AGBL4: variants seen among roughly 807,000 people sequenced by gnomAD.
AGBL4 encodes AGBL carboxypeptidase 4.
A neutral mutation model predicts 66.4 loss-of-function variants in AGBL4; 58 were observed. The ratio of observed to expected loss-of-function variants is 0.87; its 90% CI spans 0.71 to 1.09. The LOEUF is 1.09. Ranked by LOEUF, AGBL4 falls within the 50% of genes least tolerant of loss-of-function variation. The pLI is 0.00. For synonymous variants in AGBL4, 234 were observed against 222.9 expected (o/e 1.05, Z -0.44); for missense variants, 579 against 631.0 (o/e 0.92, Z 0.88).
At chr1:49,922,492 T>C (rs1466034766) in intron 1 of AGBL4, among the ~76,000 whole-genome samples, 3 of 152,266 alleles carry the variant, frequency 2.0e-5, no homozygotes, top group South Asian at 2.1e-4. Flanking sequence ...GGTATCCAAA[T>C]TGGAAGAGAG....
At chr1:49,420,225 A>C (rs1411516698) in intron 3 of AGBL4, among the ~76,000 whole-genome samples, 1 of 152,206 alleles carries the variant, frequency 6.6e-6, no homozygotes, top group East Asian at 1.9e-4. Flanking sequence ...ATGAAAAGGC[A>C]TGACATGTGA....
chr1:49,728,053 G>T (rs752760763), intron 2 of AGBL4, among the ~76,000 whole-genome samples: 11 of 151,982 alleles, frequency 7.2e-5, no homozygotes, highest in Admixed American at 2.0e-4. Flanking sequence ...AAAACTTAAG[G>T]GTTTTATTAG....
chr1:49,735,895 T>A (rs1462647104), intron 2 of AGBL4, among the ~76,000 whole-genome samples: 1 of 151,572 alleles, frequency 6.6e-6, no homozygotes, highest in Non-Finnish European at 1.5e-5. Context: ...ACAACTTAAT[T>A]GAAAAACAAA....
chr1:49,832,181 G>A (rs1645706670), intron 2 of AGBL4, among the ~76,000 whole-genome samples: 1 of 146,378 alleles, frequency 6.8e-6, no homozygotes, highest in African/African-American at 2.5e-5. Context: ...AGAGTGTGAT[G>A]CTCCCCTTCC....
At chr1:49,466,281 AGG>A (rs1646629591) in intron 3 of AGBL4, among the ~76,000 whole-genome samples, 1 of 151,936 alleles carries the variant, frequency 6.6e-6, no homozygotes, top group African/African-American at 2.4e-5. Context: ...TACCATTCAT[AGG>A]CAGTACAGAA....
At chr1:49,988,901 C>T (rs552173438) in intron 1 of AGBL4, among the ~76,000 whole-genome samples, 2 of 152,234 alleles carry the variant, frequency 1.3e-5, no homozygotes, top group African/African-American at 4.8e-5. Flanking sequence ...CTCCAGCAAA[C>T]CATAGCACCT....
chr1:48,641,017 C>T (rs1175930506), intron 8 of AGBL4, among the ~76,000 whole-genome samples: 1 of 152,054 alleles, frequency 6.6e-6, no homozygotes, highest in Non-Finnish European at 1.5e-5. Context: ...TTGCCCTGAG[C>T]ACCGTGAGGC....
At chr1:49,311,328 A>G (rs1274422493) in intron 3 of AGBL4, among the ~76,000 whole-genome samples, 1 of 151,986 alleles carries the variant, frequency 6.6e-6, no homozygotes, top group Non-Finnish European at 1.5e-5. Context: ...AATTCTTCTC[A>G]TTGTCCCTTA....
At chr1:49,789,862 C>T (rs1227377464) in intron 2 of AGBL4, among the ~76,000 whole-genome samples, 4 of 152,062 alleles carry the variant, frequency 2.6e-5, no homozygotes, top group Non-Finnish European at 5.9e-5. Context: ...AAAAAGAGCC[C>T]GTATAGCCAA....
intron 2 of AGBL4, among the ~76,000 whole-genome samples, chr1:49,822,098 T>C (rs956698443): frequency 1.8e-4 from 28 of 152,068 alleles, no homozygotes; most frequent in Non-Finnish European, 4.0e-4. Context: ...TTTTAACCTA[T>C]GAATGAGAAA....
chr1:49,423,445 C>T (rs1645588552), intron 3 of AGBL4, among the ~76,000 whole-genome samples: 1 of 151,990 alleles, frequency 6.6e-6, no homozygotes, highest in Non-Finnish European at 1.5e-5. Flanking sequence ...AACAGAATAC[C>T]CATGAATTAT....
rs368516398 is a variant in AGBL4 at position 49,695,987 on chromosome 1, A to C, written c.282+1326T>G. Among the ~76,000 whole-genome samples the C allele has an allele frequency of 3.3e-4, 50 of 152,236 alleles. 1 individual carries two copies. The South Asian group carries it at 9.5e-3, about 29-fold the overall frequency. On this transcript the variant is annotated intron_variant, in intron 3 of 13. Coordinates refer to ENST00000371839, the MANE Select transcript of AGBL4 (RefSeq NM_032785.4). ...CACAAGTCAAGTTGCAGTTGAGATA[A>C]AATGATGAGAAGCAAGCAATCAAGG...
chr1:49,769,312 T>C (rs937567571), intron 2 of AGBL4, among the ~76,000 whole-genome samples: 3 of 152,068 alleles, frequency 2.0e-5, no homozygotes, highest in East Asian at 3.9e-4. Context: ...AAATAAATCA[T>C]AGATGACACA....
chr1:48,690,255 G>A (rs1646608365), intron 6 of AGBL4, among the ~76,000 whole-genome samples: 1 of 152,220 alleles, frequency 6.6e-6, no homozygotes, highest in African/African-American at 2.4e-5. Context: ...AGCACCAAGT[G>A]TGTACTGAGC....
chr1:48,845,697 C>T (rs957296112), intron 6 of AGBL4, among the ~76,000 whole-genome samples: 29 of 152,262 alleles, frequency 1.9e-4, no homozygotes, highest in African/African-American at 6.5e-4. Context: ...AAGTAAAGAG[C>T]ATCTATATGC....
chr1:49,254,560 A>G (rs903854996), intron 3 of AGBL4, among the ~76,000 whole-genome samples: 3 of 152,218 alleles, frequency 2.0e-5, no homozygotes, highest in African/African-American at 7.2e-5. Context: ...GGATAGGAAG[A>G]ATCAATATTG....
intron 6 of AGBL4, among the ~76,000 whole-genome samples, chr1:48,798,693 G>C (rs1645745808): frequency 6.6e-6 from 1 of 152,120 alleles, no homozygotes; most frequent in Non-Finnish European, 1.5e-5. Context: ...TTTTGTATAA[G>C]GTGAGAGATG....
At chr1:48,889,605 G>T (rs567404835) in intron 5 of AGBL4, among the ~76,000 whole-genome samples, 11 of 152,332 alleles carry the variant, frequency 7.2e-5, no homozygotes, top group Middle Eastern at 6.8e-3. Context: ...TATGACACTG[G>T]AAGGGAGTTA....
At position 49,158,420 on chromosome 1, in the gene AGBL4, T is replaced by C. The variant is rs569886744; in HGVS notation, c.377+87350A>G. On this transcript the variant is annotated intron_variant, in intron 4 of 13. Transcript: ENST00000371839. The stretch of plus-strand genomic sequence containing the variant: ...CCTGAGTTCTAATTTGATTGCACTG[T>C]GGTCTGAGAGACTGTTTCTTATGAT... Among the ~76,000 whole-genome samples the C allele has an allele frequency of 2.0e-5, 3 of 152,348 alleles. No homozygotes were observed. In the East Asian group the frequency reaches 5.8e-4, roughly 29 times the overall value.
Sources: allele counts gnomAD v4.1 joint callset (sites outside exome capture counted in the v4.1 genomes callset), GRCh38; gene constraint gnomAD v4.1.1; transcripts MANE v1.5; gene names NCBI Gene and HGNC (gene_info 2026-07-23, HGNC 2026-07-21).